The following TRPM7 variants were observed in gnomAD, a reference collection of about 807,000 sequenced individuals.
TRPM7 encodes the protein transient receptor potential cation channel subfamily M member 7.
TRPM7 carries 134 observed loss-of-function variants against 229.7 expected under a neutral mutation model. The observed-to-expected ratio is 0.58, with a 90% CI of 0.51 to 0.67. The LOEUF is 0.67. Ranked by LOEUF, TRPM7 falls within the 30% of genes least tolerant of loss-of-function variation. TRPM7 has a pLI of 0.00. For missense variants in TRPM7, 1,901 were observed against 2,210.0 expected (o/e 0.86, Z 2.80); for synonymous variants, 699 against 715.2 (o/e 0.98, Z 0.36).
intron 7 of TRPM7, among the ~76,000 whole-genome samples, chr15:50,636,283 T>C (rs1028888160): frequency 2.0e-5 from 3 of 151,804 alleles, no homozygotes; most frequent in African/African-American, 7.3e-5. Context: ...CTCCGCCTCC[T>C]GGGCTCAAAC....
At chr15:50,668,410 T>C (rs775312996) in intron 1 of TRPM7, among the ~76,000 whole-genome samples, 4 of 152,226 alleles carry the variant, frequency 2.6e-5, no homozygotes, top group Non-Finnish European at 5.9e-5. Flanking sequence ...AGTATACTCC[T>C]GTGGACAAAA....
intron 1 of TRPM7, among the ~76,000 whole-genome samples, chr15:50,671,723 T>C (rs1161652029): frequency 6.6e-6 from 1 of 151,896 alleles, no homozygotes; most frequent in Non-Finnish European, 1.5e-5. Flanking sequence ...GGTGGGAGGA[T>C]CATTTGAGCC....
chr15:50,597,811 C>T (rs1463513905), intron 22 of TRPM7, among the ~76,000 whole-genome samples: 1 of 152,010 alleles, frequency 6.6e-6, no homozygotes, highest in South Asian at 2.1e-4. Flanking sequence ...CCCAGCTACT[C>T]CAGAGGCTGA....
In TRPM7 at chr15:50,580,129, C is replaced by T. The variant is rs560998438; in HGVS notation, c.4592+745G>A. Among the ~76,000 whole-genome samples, 3 of 152,296 alleles carry T rather than the reference C, an allele frequency of 2.0e-5. No individual in the cohort carries two copies. In the South Asian group the frequency reaches 6.2e-4, roughly 32 times the overall value. ...AAACACTGCAGAATAATAATTTCCC[C>T]CAAATTGGCTTCTCTGCTCAAGTAA... On this transcript the variant is annotated intron_variant, in intron 30 of 38. Transcript: ENST00000646667.
rs879342097 is a variant in TRPM7 at position 50,588,226 on chromosome 15, C to G, written c.4389+1366G>C. ...GGCATCTCTGTATACTCCATAATCA[C>G]ATTTCTTACATCATTCTGCTGCTCC... On this transcript the variant is annotated intron_variant, in intron 27 of 38. Coordinates refer to ENST00000646667, the MANE Select transcript of TRPM7 (RefSeq NM_017672.6). The G allele has an allele frequency of 7.1e-6, 7 of 984,904 alleles. No homozygotes were observed. In the Admixed American group the frequency reaches 1.8e-4, roughly 26 times the overall value. The allele number at this position is 984,904 out of a possible 1,614,324, so 61.0% of individuals were successfully genotyped here.
chr15:50,639,633 G>A, intron 5 of TRPM7, 85 bp from the exon 6 acceptor site: 2 of 1,252,368 alleles, frequency 1.6e-6, no homozygotes, highest in South Asian at 1.5e-5. Flanking sequence ...GTGGCGCAAT[G>A]ACAGCTCACT....
chr15:50,663,072 G>C (rs762934154), intron 1 of TRPM7, 26 bp from the exon 2 acceptor site: 8 of 1,549,230 alleles, frequency 5.2e-6, no homozygotes, highest in Non-Finnish European at 7.1e-6. Flanking sequence ...TTAAAGAATT[G>C]TTTATAAGTT....
intron 21 of TRPM7, 122 bp from the exon 22 acceptor site, chr15:50,599,418 T>G (rs958092794): frequency 1.7e-6 from 1 of 597,028 alleles, no homozygotes; most frequent in Non-Finnish European, 2.7e-6. Flanking sequence ...ATCTTTGAGA[T>G]TCTTTTTGTT....
Position 50,657,801 on chromosome 15 carries a change from T to C in TRPM7, c.102A>G (p.Gln34=), listed in dbSNP as rs751735111. 8 of 1,612,052 alleles carry C rather than the reference T, an allele frequency of 5.0e-6. No homozygotes were observed. The highest frequency in any genetic ancestry group is 1.3e-5 in the African/African-American group (1 of 74,974). ...KDPHRCLPGC[Q]ICQQLVRCFC... is the part of the protein sequence containing the mutation. ...CTTACCTGACGAGTTGCTGACAAATTTGACATCCTGGAAGGCATCTATTGA... is the reference window on the plus strand; with the variant it reads ...CTTACCTGACGAGTTGCTGACAAATCTGACATCCTGGAAGGCATCTATTGA... The change falls in exon 3 of 39, where the codon CAA becomes CAG. Residue 34 remains glutamine (Q), a synonymous_variant. Transcript: ENST00000646667.
chr15:50,617,028 T>C (rs1157051433), intron 13 of TRPM7, among the ~76,000 whole-genome samples: 1 of 151,942 alleles, frequency 6.6e-6, no homozygotes, highest in African/African-American at 2.4e-5. Flanking sequence ...TAATGGCTCA[T>C]GCCTGTAATC....
rs28446659 is a variant in TRPM7 at position 50,630,306 on chromosome 15, A to G, written c.1204+1111T>C. 4.7e-3 allele frequency among the ~76,000 whole-genome samples: 715 copies of G among 152,290 alleles called. 5 individuals are homozygous for G. The highest frequency in any genetic ancestry group is 0.017 in the African/African-American group (690 of 41,566). Reference sequence around the variant, plus strand: ...ACAGTATTTTAAAAATGCTTGATGTATTGGCAATTTATTATGGTCTAATAT... The same window carrying G: ...ACAGTATTTTAAAAATGCTTGATGTGTTGGCAATTTATTATGGTCTAATAT... On this transcript the variant is annotated intron_variant, in intron 10 of 38. Coordinates refer to ENST00000646667, the MANE Select transcript of TRPM7 (RefSeq NM_017672.6).
intron 2 of TRPM7, among the ~76,000 whole-genome samples, chr15:50,660,584 G>A (rs895428425): frequency 3.3e-5 from 5 of 152,140 alleles, no homozygotes; most frequent in African/African-American, 7.2e-5. Context: ...GAACCCGGAA[G>A]GCAGACTTTG....
At position 50,686,626 on chromosome 15, in the gene TRPM7, G is replaced by A. The variant is rs982071880; in HGVS notation, c.-93C>T. 6 of 1,536,616 alleles carry A rather than the reference G, an allele frequency of 3.9e-6. No individual in the cohort carries two copies. Among genetic ancestry groups the A allele is most frequent in the Non-Finnish European group, 5.3e-6 (6 of 1,139,646 alleles). On this transcript the variant is annotated 5_prime_UTR_variant, in exon 1 of 39. Coordinates refer to ENST00000646667, the MANE Select transcript of TRPM7 (RefSeq NM_017672.6). ...TCTATCGGGAAGCGTCTCCGGAGGC[G>A]GCAGCAGAGGCCGCCGGACAAGGAA...
chr15:50,609,036 C>A (rs781130608), intron 19 of TRPM7, among the ~76,000 whole-genome samples: 5 of 152,168 alleles, frequency 3.3e-5, no homozygotes, highest in Non-Finnish European at 5.9e-5. Flanking sequence ...TGCTCTTTAA[C>A]CTGCTAGTAA....
At chr15:50,618,335 C>T (rs1485039782) in intron 13 of TRPM7, among the ~76,000 whole-genome samples, 1 of 151,864 alleles carries the variant, frequency 6.6e-6, no homozygotes, top group East Asian at 1.9e-4. Flanking sequence ...CTTTGGGAGG[C>T]CAAGGAGGGC....
intron 2 of TRPM7, among the ~76,000 whole-genome samples, chr15:50,659,753 C>T (rs1457304994): frequency 3.3e-5 from 5 of 151,946 alleles, no homozygotes; most frequent in East Asian, 3.9e-4. Context: ...CTGCAACCTC[C>T]GTCTCCTGGA....
intron 36 of TRPM7, among the ~76,000 whole-genome samples, chr15:50,572,114 T>C (rs2053919917): frequency 6.6e-6 from 1 of 152,096 alleles, no homozygotes; most frequent in Admixed American, 6.6e-5. Context: ...TAGACACCCA[T>C]CTCTACAAAA....
chr15:50,673,062 GTTAA>G lies in TRPM7; in HGVS notation c.4-10020_4-10017del, dbSNP rs1310383452. ...AATTAAAAAGTTACAGTAAGCTAGCGTTAATTTATTATTGAATAAAAAAATACTT... is the reference window on the plus strand; with the variant it reads ...AATTAAAAAGTTACAGTAAGCTAGCGTTTATTATTGAATAAAAAAATACTT... On this transcript the variant is annotated intron_variant, in intron 1 of 38. Coordinates refer to ENST00000646667, the MANE Select transcript of TRPM7 (RefSeq NM_017672.6). Among the ~76,000 whole-genome samples, 7 of 144,892 alleles carry G rather than the reference GTTAA, an allele frequency of 4.8e-5. No individual in the cohort carries two copies. The East Asian group carries it at 5.8e-4, about 12-fold the overall frequency.
chr15:50,600,822 C>A (rs1003000582), intron 21 of TRPM7, among the ~76,000 whole-genome samples: 4 of 152,142 alleles, frequency 2.6e-5, no homozygotes, highest in African/African-American at 9.7e-5. Context: ...AGAGATGAGA[C>A]TTGATGCTTC....
Sources: gnomAD v4.1 joint callset for allele counts (sites outside exome capture counted in the v4.1 genomes callset) on GRCh38, gnomAD v4.1.1 for gene constraint, MANE v1.5 for transcripts, NCBI Gene and HGNC (gene_info 2026-07-23, HGNC 2026-07-21) for gene names.